CC2D2B: variants seen among roughly 807,000 people sequenced by gnomAD.
CC2D2B encodes the protein coiled-coil and C2 domain containing 2B, also known as protein CC2D2B.
Under a neutral mutation model 161.2 loss-of-function variants are expected in CC2D2B, and 128 were observed. The ratio of observed to expected loss-of-function variants is 0.79; its 90% CI spans 0.69 to 0.92. CC2D2B has a LOEUF of 0.92. Among genes scored for constraint, CC2D2B ranks in the 40% least tolerant of loss-of-function variants. CC2D2B has a pLI of 0.00. For synonymous variants in CC2D2B, 391 were observed against 449.8 expected (o/e 0.87, Z 1.65); for missense variants, 1,173 against 1,375.1 (o/e 0.85, Z 2.32).
chr10:96,004,229 T>C lies in CC2D2B; in HGVS notation c.2927T>C (p.Met976Thr), dbSNP rs2078651436. Residue 976 changes from methionine (M) to threonine (T), a missense_variant, in exon 25 of 35, where the codon ATG becomes ACG. Physicochemically the swap from Met to Thr is moderately conservative, Grantham distance 81. Coordinates refer to ENST00000646931, the MANE Select transcript of CC2D2B (RefSeq NM_001349008.3). ...DNIYINIFDE[M>T]MTEKHEDHCL... The stretch of plus-strand genomic sequence containing the variant: ...ATATATATCAACATTTTTGATGAAA[T>C]GATGACTGAAAAACATGAGGTAAAG... The C allele has an allele frequency of 1.3e-6, 2 of 1,491,914 alleles. No individual in the cohort carries two copies. The highest frequency in any genetic ancestry group is 2.5e-5 in the South Asian group (2 of 79,746). The allele number at this position is 1,491,914 out of a possible 1,614,324, so 92.4% of individuals were successfully genotyped here.
chr10:95,924,520 T>TCC (rs749745664), intron 4 of CC2D2B, 130 bp downstream of exon 4: 3 of 530,816 alleles, frequency 5.7e-6, no homozygotes, highest in Non-Finnish European at 1.0e-5. Flanking sequence ...AAAGTCTTCC[T>TCC]CTCTCTCTCT....
intron 24 of CC2D2B, among the ~76,000 whole-genome samples, chr10:95,996,848 G>A (rs2141720649): frequency 6.6e-6 from 1 of 152,312 alleles, no homozygotes; most frequent in East Asian, 1.9e-4. Flanking sequence ...GCTGGGAAGT[G>A]AGGCCTAATG....
intron 20 of CC2D2B, among the ~76,000 whole-genome samples, chr10:95,989,324 G>A (rs1348212412): frequency 6.6e-6 from 1 of 152,126 alleles, no homozygotes. Context: ...CAATGTGAGG[G>A]GCAAATGAGA....
intron 9 of CC2D2B, among the ~76,000 whole-genome samples, chr10:95,939,468 CTG>C (rs755480123): frequency 1.1e-4 from 15 of 137,740 alleles, no homozygotes; most frequent in South Asian, 2.2e-4. Context: ...CTTCTGATAA[CTG>C]TGTGTGTATG....
chr10:95,993,952 G>T lies in CC2D2B; in HGVS notation c.2642+1255G>T, dbSNP rs12764889. Among the ~76,000 whole-genome samples the T allele has an allele frequency of 2.1e-3, 38 of 18,180 alleles. 2 individuals carry two copies. Among genetic ancestry groups the T allele is most frequent in the Non-Finnish European group, 3.9e-3 (30 of 7,780 alleles). 11.9% of individuals were successfully genotyped at this position (18,180 alleles called of 152,430 possible). ...TGTGTGTGTGTGTGTGTATGTATGT[G>T]TATATATATATATATATATATATAT... On this transcript the variant is annotated intron_variant, in intron 22 of 34. Transcript: ENST00000646931.
intron 17 of CC2D2B, 62 bp downstream of exon 17, chr10:95,974,218 A>G: frequency 1.1e-6 from 1 of 929,896 alleles, no homozygotes; most frequent in Non-Finnish European, 1.4e-6. Flanking sequence ...CACAAAACAT[A>G]TTATGTGTAA....
intron 23 of CC2D2B, among the ~76,000 whole-genome samples, chr10:95,995,824 T>A (rs2078210935): frequency 6.6e-6 from 1 of 152,250 alleles, no homozygotes; most frequent in Non-Finnish European, 1.5e-5. Flanking sequence ...TAATCATTCC[T>A]TTTCCTGAAT....
At chr10:95,913,023 C>G (rs2098509241) in intron 2 of CC2D2B, among the ~76,000 whole-genome samples, 1 of 151,990 alleles carries the variant, frequency 6.6e-6, no homozygotes, top group South Asian at 2.1e-4. Context: ...TTATTGTTGA[C>G]CATAGCCACC....
At chr10:96,003,192 A>G (rs1198641971) in intron 24 of CC2D2B, among the ~76,000 whole-genome samples, 1 of 151,894 alleles carries the variant, frequency 6.6e-6, no homozygotes, top group Non-Finnish European at 1.5e-5. Flanking sequence ...ATTGTACAGG[A>G]TTGAGATTTC....
intron 17 of CC2D2B, among the ~76,000 whole-genome samples, chr10:95,974,894 T>C (rs1252408393): frequency 6.6e-6 from 1 of 152,196 alleles, no homozygotes; most frequent in Non-Finnish European, 1.5e-5. Context: ...AGTGAAACTA[T>C]TTTGCATAAC....
intron 22 of CC2D2B, among the ~76,000 whole-genome samples, chr10:95,993,946 G>GTGTA (rs2078109501): frequency 1.1e-3 from 33 of 28,994 alleles, no homozygotes; most frequent in Non-Finnish European, 2.3e-3. Flanking sequence ...GTGTGTGTAT[G>GTGTA]TATGTGTATA....
intron 24 of CC2D2B, among the ~76,000 whole-genome samples, chr10:95,997,210 A>C (rs2141724164): frequency 6.6e-6 from 1 of 152,326 alleles, no homozygotes; most frequent in African/African-American, 2.4e-5. Context: ...CTGTTGTATA[A>C]AAATGCCATA....
chr10:96,008,489 A>C (rs2078853071), intron 25 of CC2D2B, among the ~76,000 whole-genome samples: 2 of 152,132 alleles, frequency 1.3e-5, no homozygotes, highest in African/African-American at 2.4e-5. Context: ...CTGTTTTCCA[A>C]AGTGATTGTA....
In CC2D2B at chr10:95,938,647, C is replaced by T. The variant is rs764890279; in HGVS notation, c.614C>T (p.Pro205Leu). The change falls in exon 8 of 35, where the codon CCA (proline) becomes CTA (leucine). Residue 205 changes from proline (P) to leucine (L), a missense_variant. By Grantham distance (98) the Pro-to-Leu change is moderately conservative. Transcript: ENST00000646931. Reference protein sequence around the residue: ...EDEGFYIQRKPEIYKKTCNKM... With the variant: ...EDEGFYIQRKLEIYKKTCNKM... ...GAAGGATTCTATATTCAGAGAAAGC[C>T]AGAAATATACAAAAAGACCTGCAAC... The T allele has an allele frequency of 1.4e-6, 1 of 713,984 alleles. No homozygotes were observed. Among genetic ancestry groups the T allele is most frequent in the South Asian group, 1.5e-5 (1 of 66,592 alleles). The allele number at this position is 713,984 out of a possible 1,614,324, so 44.2% of individuals were successfully genotyped here.
intron 26 of CC2D2B, among the ~76,000 whole-genome samples, chr10:96,011,082 C>T (rs1315554204): frequency 1.3e-5 from 2 of 152,176 alleles, no homozygotes; most frequent in African/African-American, 4.8e-5. Flanking sequence ...CATTCTGTTC[C>T]TACTACCTGG....
chr10:96,025,192 A>AAATAT (rs1284499689), intron 33 of CC2D2B, among the ~76,000 whole-genome samples: 17 of 49,168 alleles, frequency 3.5e-4, no homozygotes, highest in African/African-American at 1.2e-3. Flanking sequence ...TATAAAAAAA[A>AAATAT]ATATATATAT....
chr10:95,938,141 C>G lies in CC2D2B; in HGVS notation c.487C>G (p.Gln163Glu), dbSNP rs188396436. 66 of 1,549,822 alleles carry G rather than the reference C, an allele frequency of 4.3e-5. No homozygotes were observed. In the East Asian group the frequency reaches 1.1e-3, roughly 26 times the overall value. Residue 163 changes from glutamine (Q) to glutamate (E), a missense_variant, in exon 7 of 35, where the codon CAA (glutamine) becomes GAA (glutamate). Around this residue, in one of 3 missense-constraint regions of CC2D2B, gnomAD observed 298 missense variants for 261.2 expected, o/e 1.14. Coordinates refer to ENST00000646931, the MANE Select transcript of CC2D2B (RefSeq NM_001349008.3). ...KAADYEDDQE[Q>E]IKKQKANIFV... is the part of the protein sequence containing the mutation. The stretch of plus-strand genomic sequence containing the variant: ...TGCTGACTATGAAGATGATCAAGAA[C>G]AAATAAAAAAACAGAAGGCAAATAT...
chr10:95,907,822 G>C (rs929929486), upstream of CC2D2B: 1 of 152,586 alleles, frequency 6.6e-6, no homozygotes, highest in Non-Finnish European at 1.5e-5. Context: ...AGACCCCGGC[G>C]GCGAACAGAC....
At chr10:95,937,925 AT>A (rs1424875303) in intron 6 of CC2D2B, 65 bp from the exon 7 acceptor site, 2 of 962,962 alleles carry the variant, frequency 2.1e-6, no homozygotes, top group Non-Finnish European at 3.2e-6. Flanking sequence ...AGTACATTTC[AT>A]TTATTTGCAT....
Sources: allele counts gnomAD v4.1 joint callset (sites outside exome capture counted in the v4.1 genomes callset), GRCh38; gene constraint gnomAD v4.1.1; regional missense constraint gnomAD v4.1.1; transcripts MANE v1.5; gene names NCBI Gene and HGNC (gene_info 2026-07-23, HGNC 2026-07-21).